The following GRM7 variants were observed in gnomAD, a reference collection of about 807,000 sequenced individuals.
GRM7 encodes glutamate metabotropic receptor 7.
GRM7 carries 35 observed loss-of-function variants against 84.5 expected under a neutral mutation model. That is an observed-to-expected ratio of 0.41 (90% CI 0.32 to 0.55). GRM7 has a LOEUF of 0.55. Ranked by LOEUF, GRM7 falls within the 20% of genes least tolerant of loss-of-function variation. The pLI is 0.19. For missense variants in GRM7, 1,003 were observed against 1,194.6 expected, an observed-to-expected ratio of 0.84 and a Z score of 2.36; for synonymous variants, 487 against 455.1, an observed-to-expected ratio of 1.07 and a Z score of -0.89.
chr3:7,558,853 A>G (rs554679352), intron 7 of GRM7, among the ~76,000 whole-genome samples: 1 of 152,244 alleles, frequency 6.6e-6, no homozygotes. Flanking sequence ...AGCAATCTGT[A>G]AGGTTATATT....
At chr3:7,227,191 G>T (rs56720672) in intron 2 of GRM7, among the ~76,000 whole-genome samples, 7,860 of 152,158 alleles carry the variant, frequency 0.052, 541 homozygotes, top group African/African-American at 0.16. Context: ...ATAGTAGATA[G>T]AATTTCTTTT....
rs190239228 is a variant in GRM7, at chr3:7,279,632, C to T, written c.737-19052C>T. ...GTGCAGGTAAGCAGAGGCAAGACAC[C>T]AAACAGCCCTACAATAAAAGAGTTG... is the stretch of plus-strand genomic sequence containing the variant. On this transcript the variant is annotated intron_variant, in intron 2 of 9. Coordinates refer to ENST00000357716, the MANE Select transcript of GRM7 (RefSeq NM_000844.4). Among the ~76,000 whole-genome samples the T allele has an allele frequency of 5.6e-4, 85 of 152,230 alleles. 1 individual carries two copies. The East Asian group carries it at 0.013, about 23-fold the overall frequency.
At chr3:6,919,315 C>T (rs1016042944) in intron 1 of GRM7, among the ~76,000 whole-genome samples, 1 of 151,762 alleles carries the variant, frequency 6.6e-6, no homozygotes, top group African/African-American at 2.4e-5. Context: ...TCTTCTGCCC[C>T]AGCCGCCTAA....
intron 5 of GRM7, among the ~76,000 whole-genome samples, chr3:7,449,254 A>G (rs867320546): frequency 5.3e-5 from 8 of 152,254 alleles, no homozygotes; most frequent in Middle Eastern, 6.8e-3. Context: ...AATGAATAAA[A>G]CATCTTGGCT....
chr3:6,866,105 C>T (rs1328977365), intron 1 of GRM7, among the ~76,000 whole-genome samples: 1 of 152,136 alleles, frequency 6.6e-6, no homozygotes, highest in Non-Finnish European at 1.5e-5. Context: ...TGTCTTTGGG[C>T]ATTTTTCTCT....
chr3:7,090,526 C>A (rs1698624468), intron 1 of GRM7, among the ~76,000 whole-genome samples: 1 of 152,176 alleles, frequency 6.6e-6, no homozygotes, highest in Admixed American at 6.5e-5. Context: ...TTGAAGGCTT[C>A]AACCAGCTAA....
chr3:7,051,118 G>A (rs906435782), intron 1 of GRM7, among the ~76,000 whole-genome samples: 1 of 151,702 alleles, frequency 6.6e-6, no homozygotes, highest in Non-Finnish European at 1.5e-5. Context: ...TGAATTAAAG[G>A]TAAAAATCTG....
intron 1 of GRM7, among the ~76,000 whole-genome samples, chr3:6,957,368 G>C (rs960545109): frequency 1.3e-5 from 2 of 152,204 alleles, no homozygotes; most frequent in African/African-American, 4.8e-5. Flanking sequence ...GCCCCGGTGT[G>C]ATGTGTGGCA....
chr3:7,552,423 G>T (rs957327655), intron 7 of GRM7, among the ~76,000 whole-genome samples: 1 of 152,182 alleles, frequency 6.6e-6, no homozygotes, highest in Non-Finnish European at 1.5e-5. Context: ...GCTCCACTGG[G>T]CAGTGCCACA....
intron 7 of GRM7, among the ~76,000 whole-genome samples, chr3:7,483,613 C>A: frequency 6.6e-6 from 1 of 152,032 alleles, no homozygotes; most frequent in East Asian, 1.9e-4. Flanking sequence ...AATAGAAAGC[C>A]GTGTAGTGAT....
chr3:7,695,741 G>A (rs539995178), intron 9 of GRM7, among the ~76,000 whole-genome samples: 11 of 152,194 alleles, frequency 7.2e-5, no homozygotes, highest in African/African-American at 2.2e-4. Context: ...AGTAACTACC[G>A]CATGGGGCAG....
At chr3:7,347,014 G>C (rs1692923664) in intron 4 of GRM7, among the ~76,000 whole-genome samples, 1 of 152,114 alleles carries the variant, frequency 6.6e-6, no homozygotes, top group African/African-American at 2.4e-5. Flanking sequence ...ATTGGTTATG[G>C]AGTGAAAACA....
At chr3:7,355,651 T>C (rs896791835) in intron 4 of GRM7, among the ~76,000 whole-genome samples, 6 of 152,126 alleles carry the variant, frequency 3.9e-5, no homozygotes, top group Non-Finnish European at 7.4e-5. Context: ...CTGAGCTGTC[T>C]GTTATGAGCT....
chr3:7,396,656 C>G (rs1196078945), intron 4 of GRM7, among the ~76,000 whole-genome samples: 11 of 152,014 alleles, frequency 7.2e-5, no homozygotes, highest in African/African-American at 2.7e-4. Context: ...TTAAGAATCG[C>G]ATTTGGGATG....
intron 1 of GRM7, among the ~76,000 whole-genome samples, chr3:7,117,565 A>G (rs1693079681): frequency 6.6e-6 from 1 of 152,136 alleles, no homozygotes; most frequent in South Asian, 2.1e-4. Flanking sequence ...CCTCCTGGGT[A>G]TCAGAAGACT....
At chr3:7,348,660 T>G (rs568251330) in intron 4 of GRM7, among the ~76,000 whole-genome samples, 77 of 151,884 alleles carry the variant, frequency 5.1e-4, no homozygotes, top group African/African-American at 1.7e-3. Context: ...CCTCAAAGAG[T>G]GGTTCAGTCT....
At chr3:7,005,657 TAGTA>T (rs1017210381) in intron 1 of GRM7, among the ~76,000 whole-genome samples, 1 of 152,244 alleles carries the variant, frequency 6.6e-6, no homozygotes, top group African/African-American at 2.4e-5. Context: ...TAGCCATTGT[TAGTA>T]AGCCTCTTGC....
intron 2 of GRM7, among the ~76,000 whole-genome samples, chr3:7,172,679 T>C (rs1376498373): frequency 6.6e-6 from 1 of 152,024 alleles, no homozygotes; most frequent in Non-Finnish European, 1.5e-5. Flanking sequence ...TTTTTGAGTA[T>C]TTGTTGGCAA....
intron 7 of GRM7, among the ~76,000 whole-genome samples, chr3:7,546,176 T>C (rs1057454008): frequency 7.2e-5 from 11 of 152,200 alleles, no homozygotes; most frequent in Non-Finnish European, 1.6e-4. Context: ...TATCCTCTCA[T>C]ATTTCATCAT....
Sources: allele counts gnomAD v4.1 joint callset (sites outside exome capture counted in the v4.1 genomes callset), GRCh38; gene constraint gnomAD v4.1.1; transcripts MANE v1.5; gene names NCBI Gene and HGNC (gene_info 2026-07-23, HGNC 2026-07-21).